The following JAKMIP2 variants were observed in gnomAD, a reference collection of about 807,000 sequenced individuals.
JAKMIP2 encodes janus kinase and microtubule-interacting protein 2.
Under a neutral mutation model 115.0 loss-of-function variants are expected in JAKMIP2, and 25 were observed. The ratio of observed to expected loss-of-function variants is 0.22; its 90% CI spans 0.16 to 0.30. The LOEUF (loss-of-function observed/expected upper bound fraction) is 0.30. Among genes scored for constraint, JAKMIP2 ranks in the 10% least tolerant of loss-of-function variants. The probability of loss-of-function intolerance (pLI) is 1.00; values close to 1 mark genes in which losing one functional copy is unlikely to be tolerated. For missense variants in JAKMIP2, 642 were observed against 957.6 expected (o/e 0.67, Z 4.35); for synonymous variants, 334 against 343.6 (o/e 0.97, Z 0.31).
intron 1 of JAKMIP2, among the ~76,000 whole-genome samples, chr5:147,684,484 T>C (rs1335339707): frequency 6.6e-6 from 1 of 152,050 alleles, no homozygotes; most frequent in Non-Finnish European, 1.5e-5. Context: ...GATTTTATGA[T>C]TAAGGCTGGG....
intron 7 of JAKMIP2, among the ~76,000 whole-genome samples, chr5:147,643,105 C>T (rs2126723685): frequency 6.6e-6 from 1 of 152,222 alleles, no homozygotes; most frequent in South Asian, 2.1e-4. Flanking sequence ...TGTGCCAATA[C>T]TCCTTAATAA....
chr5:147,715,267 C>T (rs1266533952), intron 1 of JAKMIP2, among the ~76,000 whole-genome samples: 1 of 151,204 alleles, frequency 6.6e-6, no homozygotes, highest in Non-Finnish European at 1.5e-5. Flanking sequence ...TTTGGGCAGA[C>T]AAAAAACATA....
chr5:147,626,250 C>A (rs1757087708), intron 16 of JAKMIP2, among the ~76,000 whole-genome samples: 1 of 152,204 alleles, frequency 6.6e-6, no homozygotes, highest in African/African-American at 2.4e-5. Flanking sequence ...TTAGGGAAGG[C>A]TTGTGTCTTG....
intron 1 of JAKMIP2, among the ~76,000 whole-genome samples, chr5:147,720,480 G>T (rs1233730417): frequency 6.8e-6 from 1 of 147,038 alleles, no homozygotes; most frequent in African/African-American, 2.5e-5. Context: ...TCACTTTCAG[G>T]TACACCAATC....
intron 1 of JAKMIP2, among the ~76,000 whole-genome samples, chr5:147,738,352 G>A (rs556330277): frequency 4.9e-4 from 74 of 152,224 alleles, no homozygotes; most frequent in African/African-American, 1.6e-3. Flanking sequence ...ATCTTCATCC[G>A]CTGTTCAACC....
At chr5:147,628,689 T>C (rs1757222095) in intron 16 of JAKMIP2, 62 bp downstream of exon 16, 1 of 1,249,582 alleles carries the variant, frequency 8.0e-7, no homozygotes, top group Non-Finnish European at 1.2e-6. Context: ...CACACCCTAG[T>C]CTGCTCGTTC....
chr5:147,689,031 G>A (rs1760708321), intron 1 of JAKMIP2, among the ~76,000 whole-genome samples: 1 of 152,206 alleles, frequency 6.6e-6, no homozygotes, highest in Non-Finnish European at 1.5e-5. Context: ...TCCAGGTGGT[G>A]TTGTGATTTT....
chr5:147,744,981 C>T (rs1035583502), intron 1 of JAKMIP2, among the ~76,000 whole-genome samples: 1 of 149,364 alleles, frequency 6.7e-6, no homozygotes, highest in Non-Finnish European at 1.5e-5. Context: ...TCGCTTGAAC[C>T]GGGGAGGCAG....
chr5:147,722,824 A>T (rs1484081033), intron 1 of JAKMIP2, among the ~76,000 whole-genome samples: 1 of 152,144 alleles, frequency 6.6e-6, no homozygotes, highest in Non-Finnish European at 1.5e-5. Context: ...TAACTTAAAA[A>T]AATTAGAGAT....
Position 147,623,617 on chromosome 5 carries a change from T to G in JAKMIP2, c.2064+4A>C. 1 of 1,587,580 alleles carries G rather than the reference T, an allele frequency of 6.3e-7. No individual in the cohort carries two copies. Among genetic ancestry groups the G allele is most frequent in the Non-Finnish European group, 8.7e-7 (1 of 1,155,928 alleles). ...ATTTTTACAATATCTCATCTTGTAC[T>G]TACCATGTCACTTTCCAATTCCATC... On this transcript the variant is annotated splice_donor_region_variant and intron_variant, in intron 17 of 21. Transcript: ENST00000616793.
chr5:147,636,379 C>T, intron 11 of JAKMIP2, 95 bp from the exon 12 acceptor site: 2 of 972,560 alleles, frequency 2.1e-6, no homozygotes, highest in East Asian at 5.2e-5. Flanking sequence ...CTTCTCCCCA[C>T]CCTGTTTGTT....
At chr5:147,603,350 C>G (rs190422654) in intron 20 of JAKMIP2, among the ~76,000 whole-genome samples, 4 of 152,248 alleles carry the variant, frequency 2.6e-5, no homozygotes, top group Admixed American at 2.6e-4. Flanking sequence ...TGGAAGTGCT[C>G]TAGATATGGT....
chr5:147,620,802 A>G, intron 17 of JAKMIP2, 59 bp from the exon 18 acceptor site: 1 of 1,164,864 alleles, frequency 8.6e-7, no homozygotes, highest in Admixed American at 1.7e-5. Flanking sequence ...TGACGTACAA[A>G]TGGTATTGAT....
At chr5:147,729,393 G>A (rs978104890) in intron 1 of JAKMIP2, among the ~76,000 whole-genome samples, 9 of 152,070 alleles carry the variant, frequency 5.9e-5, no homozygotes, top group Non-Finnish European at 2.9e-5. Flanking sequence ...TGTGGGGCAG[G>A]GGAGGACAGA....
At chr5:147,630,128 G>C (rs1757291636) in intron 14 of JAKMIP2, among the ~76,000 whole-genome samples, 1 of 151,836 alleles carries the variant, frequency 6.6e-6, no homozygotes, top group Admixed American at 6.6e-5. Flanking sequence ...AGGCTTTCAG[G>C]TATAAAAAAG....
intron 1 of JAKMIP2, among the ~76,000 whole-genome samples, chr5:147,737,396 A>T (rs995516796): frequency 6.6e-6 from 1 of 152,172 alleles, no homozygotes; most frequent in African/African-American, 2.4e-5. Context: ...TGAGATTTTT[A>T]TTTTCCTCAA....
At chr5:147,698,723 T>C (rs981372126) in intron 1 of JAKMIP2, among the ~76,000 whole-genome samples, 7 of 152,228 alleles carry the variant, frequency 4.6e-5, no homozygotes, top group African/African-American at 1.7e-4. Flanking sequence ...GCCATGATTG[T>C]ACGTTTCCTG....
intron 3 of JAKMIP2, among the ~76,000 whole-genome samples, chr5:147,657,371 G>A (rs567077565): frequency 5.3e-5 from 8 of 152,190 alleles, no homozygotes; most frequent in African/African-American, 1.7e-4. Context: ...TGAGAGATCC[G>A]CTGGTAGTCT....
chr5:147,641,960 T>A (rs985124324), intron 7 of JAKMIP2, among the ~76,000 whole-genome samples, 196 bp from the exon 8 acceptor site: 2 of 152,156 alleles, frequency 1.3e-5, no homozygotes, highest in African/African-American at 4.8e-5. Context: ...CTATTCCTGA[T>A]GAGTTATGTG....
Sources: gnomAD v4.1 joint callset for allele counts (sites outside exome capture counted in the v4.1 genomes callset) on GRCh38, gnomAD v4.1.1 for gene constraint, MANE v1.5 for transcripts, NCBI Gene and HGNC (gene_info 2026-07-23, HGNC 2026-07-21) for gene names.